Variants in TSC22D1 observed in about 807,000 individuals in gnomAD.
TSC22D1 encodes the protein TSC22 domain family member 1, also known as TSC22 domain family protein 1.
TSC22D1 carries 9 observed loss-of-function variants against 74.2 expected under a neutral mutation model. The observed-to-expected ratio is 0.12, with a 90% CI of 0.07 to 0.21. The LOEUF is 0.21. Ranked by LOEUF, TSC22D1 falls within the 10% of genes least tolerant of loss-of-function variation. TSC22D1 has a pLI of 1.00. For synonymous variants in TSC22D1, 586 were observed against 492.5 expected (o/e 1.19, Z -2.51); for missense variants, 1,427 against 1,304.7 (o/e 1.09, Z -1.44).
At chr13:44,552,490 G>A (rs9595151) in intron 1 of TSC22D1, among the ~76,000 whole-genome samples, 28,766 of 152,094 alleles carry the variant, frequency 0.19, 3,392 homozygotes, top group African/African-American at 0.34. Context: ...TCAGGAATAT[G>A]CTACCACATA....
chr13:44,486,868 T>C (rs912505734), intron 1 of TSC22D1, among the ~76,000 whole-genome samples: 8 of 152,110 alleles, frequency 5.3e-5, no homozygotes, highest in African/African-American at 1.7e-4. Flanking sequence ...TAAATCTTAA[T>C]AGAAACTTAA....
At position 44,434,321 on chromosome 13, in the gene TSC22D1, G is replaced by A; in HGVS notation, c.*305C>T. The A allele has an allele frequency of 7.3e-7, 1 of 1,375,304 alleles. No homozygotes were observed. Among genetic ancestry groups the A allele is most frequent in the Non-Finnish European group, 9.3e-7 (1 of 1,074,316 alleles). The allele number at this position is 1,375,304 out of a possible 1,614,324, so 85.2% of individuals were successfully genotyped here. A position where few individuals can be genotyped will look rare whatever the true frequency, so the allele number is the denominator to read the frequency against. On this transcript the variant is annotated 3_prime_UTR_variant, in exon 3 of 3. Transcript: ENST00000458659. ...TGAGGGGTAGGGAGCCGGAAGGGAT[G>A]GAAAGGCACACAGCTCCTGAGCATG...
intron 1 of TSC22D1, among the ~76,000 whole-genome samples, chr13:44,455,142 G>C (rs529408651): frequency 6.6e-6 from 1 of 152,254 alleles, no homozygotes; most frequent in African/African-American, 2.4e-5. Context: ...TTAAAGAACA[G>C]AAGCAGGGAT....
At chr13:44,473,265 C>T (rs1435971326) in intron 1 of TSC22D1, among the ~76,000 whole-genome samples, 1 of 152,140 alleles carries the variant, frequency 6.6e-6, no homozygotes, top group Non-Finnish European at 1.5e-5. Context: ...GAGGCCAACG[C>T]AGGTGGATCA....
intron 1 of TSC22D1, among the ~76,000 whole-genome samples, chr13:44,554,065 TAAGA>T (rs1882461443): frequency 3.3e-5 from 5 of 152,184 alleles, no homozygotes; most frequent in Non-Finnish European, 7.4e-5. Flanking sequence ...TTACAGTGCT[TAAGA>T]AAGGAATCAC....
Position 44,537,594 on chromosome 13 carries a change from A to G in TSC22D1, c.2912+35569T>C, listed in dbSNP as rs183234335. On this transcript the variant is annotated intron_variant, in intron 1 of 2. Coordinates refer to ENST00000458659, the MANE Select transcript of TSC22D1 (RefSeq NM_183422.4). ...TTCAGTTCTTCCTAAAACGATGGAC[A>G]GTTGTTTTTTTTAATTTATATGTGT... The G allele has an allele frequency of 5.3e-3, 5,177 of 984,876 alleles. 15 individuals carry two copies. Among genetic ancestry groups the G allele is most frequent in the Middle Eastern group, 6.8e-3 (13 of 1,914 alleles). The allele number at this position is 984,876 out of a possible 1,614,324, so 61.0% of individuals were successfully genotyped here.
At chr13:44,444,536 C>T (rs931151915) in intron 1 of TSC22D1, among the ~76,000 whole-genome samples, 2 of 151,664 alleles carry the variant, frequency 1.3e-5, no homozygotes, top group Non-Finnish European at 2.9e-5. Flanking sequence ...GGCTATATTA[C>T]TCAAAGTAGA....
At position 44,573,493 on chromosome 13, in the gene TSC22D1, G is replaced by A; in HGVS notation, c.2582C>T (p.Pro861Leu). ...LVPPQNIAQT[P>L]ATQNGNLVQS... is the part of the protein sequence containing the mutation. Reference sequence around the variant, plus strand: ...AACCAAATTACCATTTTGGGTAGCAGGGGTTTGTGCTATATTTTGTGGTGG... The same window carrying A: ...AACCAAATTACCATTTTGGGTAGCAAGGGTTTGTGCTATATTTTGTGGTGG... Residue 861 changes from proline (P) to leucine (L), a missense_variant, in exon 1 of 3, where the codon CCT becomes CTT. Around this residue, in one of 3 missense-constraint regions of TSC22D1, gnomAD observed 1,343 missense variants for 1,191.5 expected, o/e 1.13. Coordinates refer to ENST00000458659, the MANE Select transcript of TSC22D1 (RefSeq NM_183422.4). 2 of 1,614,246 alleles carry A rather than the reference G, an allele frequency of 1.2e-6. No individual in the cohort carries two copies. Among genetic ancestry groups the A allele is most frequent in the Middle Eastern group, 1.6e-4 (1 of 6,062 alleles).
Position 44,452,096 on chromosome 13 carries a change from G to A in TSC22D1, c.2913-16001C>T, listed in dbSNP as rs145689712. On this transcript the variant is annotated intron_variant, in intron 1 of 2. Transcript: ENST00000458659. ...ACAAGCTTAGTCCGACTTGACAGAA[G>A]AGGAGAACTTTGAACAAAACACGAT... 1.0e-3 allele frequency among the ~76,000 whole-genome samples: 152 copies of A among 152,302 alleles called. 2 individuals are homozygous for A. In the East Asian group the frequency reaches 0.025, roughly 25 times the overall value.
intron 1 of TSC22D1, among the ~76,000 whole-genome samples, chr13:44,545,645 G>A (rs187825604): frequency 4.0e-5 from 6 of 151,100 alleles, no homozygotes; most frequent in African/African-American, 9.7e-5. Context: ...CTTGGGTTGC[G>A]TTACGTTCAT....
At chr13:44,533,710 G>C (rs909601402) in intron 1 of TSC22D1, among the ~76,000 whole-genome samples, 17 of 152,212 alleles carry the variant, frequency 1.1e-4, no homozygotes, top group Non-Finnish European at 1.9e-4. Context: ...TTGAACCCAG[G>C]AGGTGGTGGT....
intron 1 of TSC22D1, among the ~76,000 whole-genome samples, chr13:44,558,449 G>A (rs1177906029): frequency 1.3e-5 from 2 of 152,038 alleles, no homozygotes; most frequent in Non-Finnish European, 2.9e-5. Flanking sequence ...TAAATGTTAT[G>A]TACCTTCAGG....
rs780863670 is a variant in TSC22D1 at position 44,573,834 on chromosome 13, G to A, written c.2241C>T (p.Thr747=). The A allele has an allele frequency of 1.2e-6, 2 of 1,614,214 alleles. No individual in the cohort carries two copies. Among genetic ancestry groups the A allele is most frequent in the South Asian group, 1.1e-5 (1 of 91,084 alleles). ...NIPTAVQQPS[T]QVPPSVIQQG... Reference sequence around the variant, plus strand: ...GCTGAATAACTGAAGGTGGAACCTGGGTAGAGGGCTGCTGCACTGCAGTAG... The same window carrying A: ...GCTGAATAACTGAAGGTGGAACCTGAGTAGAGGGCTGCTGCACTGCAGTAG... The change falls in exon 1 of 3, where the codon ACC becomes ACT. Residue 747 remains threonine (T), a synonymous_variant. Coordinates refer to ENST00000458659, the MANE Select transcript of TSC22D1 (RefSeq NM_183422.4).
chr13:44,551,598 C>T lies in TSC22D1; in HGVS notation c.2912+21565G>A, dbSNP rs112276468. On this transcript the variant is annotated intron_variant, in intron 1 of 2. Coordinates refer to ENST00000458659, the MANE Select transcript of TSC22D1 (RefSeq NM_183422.4). ...ACCACGCCTGGCTAATTTTTGTGTTCTTAGTAGAGACGAGGTTTCACCATG... is the reference window on the plus strand; with the variant it reads ...ACCACGCCTGGCTAATTTTTGTGTTTTTAGTAGAGACGAGGTTTCACCATG... 1.4e-3 allele frequency among the ~76,000 whole-genome samples: 216 copies of T among 152,176 alleles called. 1 individual carries two copies. Among genetic ancestry groups the T allele is most frequent in the African/African-American group, 4.8e-3 (200 of 41,536 alleles).
chr13:44,461,402 T>C (rs1279115029), intron 1 of TSC22D1, among the ~76,000 whole-genome samples: 1 of 152,140 alleles, frequency 6.6e-6, no homozygotes, highest in Non-Finnish European at 1.5e-5. Flanking sequence ...GCAATAATTA[T>C]AGGGCAAAGT....
At chr13:44,472,919 A>G (rs997763027) in intron 1 of TSC22D1, among the ~76,000 whole-genome samples, 1 of 152,236 alleles carries the variant, frequency 6.6e-6, no homozygotes, top group Non-Finnish European at 1.5e-5. Context: ...GAGATTGGGC[A>G]ATTTAAAAAA....
intron 1 of TSC22D1, among the ~76,000 whole-genome samples, chr13:44,496,383 T>TA (rs1878978301): frequency 6.6e-6 from 1 of 151,662 alleles, no homozygotes. Context: ...AAAACTTTTT[T>TA]AAAAAAATCA....
chr13:44,482,674 T>G (rs1320998260), intron 1 of TSC22D1, among the ~76,000 whole-genome samples: 4 of 152,234 alleles, frequency 2.6e-5, no homozygotes, highest in Non-Finnish European at 5.9e-5. Flanking sequence ...CTCTAAATGA[T>G]ATGCAGAAAC....
chr13:44,533,393 G>C (rs1880964976), intron 1 of TSC22D1, among the ~76,000 whole-genome samples: 1 of 151,302 alleles, frequency 6.6e-6, no homozygotes, highest in Non-Finnish European at 1.5e-5. Context: ...CCAGGAGGCA[G>C]ATGTTGCAGT....
Sources: allele counts gnomAD v4.1 joint callset (sites outside exome capture counted in the v4.1 genomes callset), GRCh38; gene constraint gnomAD v4.1.1; regional missense constraint gnomAD v4.1.1; transcripts MANE v1.5; gene names NCBI Gene and HGNC (gene_info 2026-07-23, HGNC 2026-07-21).